DNAJC11: variants seen among roughly 807,000 people sequenced by gnomAD.
DNAJC11 encodes DnaJ heat shock protein family (Hsp40) member C11.
In DNAJC11, 15 loss-of-function variants were observed where a neutral mutation model predicts 78.6. The ratio of observed to expected loss-of-function variants is 0.19; its 90% CI spans 0.13 to 0.29. The LOEUF (loss-of-function observed/expected upper bound fraction) is 0.29. Among genes scored for constraint, DNAJC11 ranks in the 10% least tolerant of loss-of-function variants. DNAJC11 has a pLI of 1.00. For missense variants in DNAJC11, 547 were observed against 709.6 expected (o/e 0.77, Z 2.60); for synonymous variants, 292 against 272.1 (o/e 1.07, Z -0.72).
At chr1:6,675,800 G>C (rs1642453299) in intron 3 of DNAJC11, among the ~76,000 whole-genome samples, 1 of 152,118 alleles carries the variant, frequency 6.6e-6, no homozygotes, top group Non-Finnish European at 1.5e-5. Context: ...TCTGATGAGA[G>C]GAAGCCATAC....
chr1:6,641,831 T>C (rs2148728420), intron 10 of DNAJC11, among the ~76,000 whole-genome samples: 1 of 152,176 alleles, frequency 6.6e-6, no homozygotes, highest in African/African-American at 2.4e-5. Flanking sequence ...GTTCTAGAAG[T>C]GCGGGTGAGA....
rs1033483561 is a variant in DNAJC11 at position 6,680,568 on chromosome 1, A to G, written c.202+340T>C. ...ATGTCCTTGTATCTTCTAACAAAAA[A>G]GAGAACAAAGAAACCTTCCCTGTAA... is the stretch of plus-strand genomic sequence containing the variant. On this transcript the variant is annotated intron_variant, in intron 2 of 15. Coordinates refer to ENST00000377577, the MANE Select transcript of DNAJC11 (RefSeq NM_018198.4). This position sits in a 1 kb window ranked among gnomAD's most constrained non-coding sequence, Gnocchi z 4.0. Among the ~76,000 whole-genome samples the G allele has an allele frequency of 6.6e-6, 1 of 152,230 alleles. No individual in the cohort carries two copies. The highest frequency in any genetic ancestry group is 2.4e-5 in the African/African-American group (1 of 41,466).
chr1:6,686,051 C>G (rs1162443294), intron 1 of DNAJC11, among the ~76,000 whole-genome samples: 3 of 152,148 alleles, frequency 2.0e-5, no homozygotes, highest in African/African-American at 7.2e-5. Flanking sequence ...AATCCTTAAA[C>G]GTTTTCCTTG....
chr1:6,652,948 G>T lies in DNAJC11; in HGVS notation c.511C>A (p.Pro171Thr), dbSNP rs1642077673. 2.5e-6 allele frequency: 4 copies of T among 1,613,932 alleles called. No homozygotes were observed. The highest frequency in any genetic ancestry group is 3.4e-6 in the Non-Finnish European group (4 of 1,180,010). Reference sequence around the variant, plus strand: ...ATGGCTGTGTCTGTCGCTGTCAAGGGTGCCTAAAAATGGTATTTGCTGGTA... The same window carrying T: ...ATGGCTGTGTCTGTCGCTGTCAAGGTTGCCTAAAAATGGTATTTGCTGGTA... ...KMHISQSIEA[P>T]LTATDTAILS... The change falls in exon 6 of 16, where the codon CCC (proline) becomes ACC (threonine). Residue 171 changes from proline to threonine, a missense_variant. Physicochemically the swap from Pro to Thr is conservative, Grantham distance 38 (BLOSUM62 -1). Transcript: ENST00000377577.
rs554502078 is a variant in DNAJC11, at chr1:6,680,957, G to C, written c.153C>G (p.Leu51=). ...YHPDKHRDPE[L]KSQAERLFNL... is the part of the protein sequence containing the mutation. ...TAAACAGTCGTTCCGCCTGTGACTT[G>C]AGCTCTGGGTCTCTGTGCTTGTCTG... The change falls in exon 2 of 16, where the codon CTC becomes CTG. Residue 51 remains leucine, a synonymous_variant. Coordinates refer to ENST00000377577, the MANE Select transcript of DNAJC11 (RefSeq NM_018198.4). The surrounding 1 kb of genome is among the most constrained non-coding windows in gnomAD (Gnocchi z 4.0). 8.7e-6 allele frequency: 14 copies of C among 1,614,146 alleles called. No individual in the cohort carries two copies. Among genetic ancestry groups the C allele is most frequent in the South Asian group, 2.2e-5 (2 of 91,080 alleles).
In DNAJC11 at chr1:6,678,409, T is replaced by G. The variant is rs1405672157; in HGVS notation, c.261A>C (p.Glu87Asp). Residue 87 changes from glutamate to aspartate, a missense_variant, in exon 3 of 16, where the codon GAA becomes GAC. By Grantham distance (45) the Glu-to-Asp change is conservative. Coordinates refer to ENST00000377577, the MANE Select transcript of DNAJC11 (RefSeq NM_018198.4). ...TTTCTCTTACCTCCCATCCTTCCATTTCCAGTCCTCTCTTCCCATATATAT... is the reference window on the plus strand; with the variant it reads ...TTTCTCTTACCTCCCATCCTTCCATGTCCAGTCCTCTCTTCCCATATATAT... ...IYDIYGKRGL[E>D]MEGWEVVERR... The G allele has an allele frequency of 6.2e-7, 1 of 1,613,970 alleles. No homozygotes were observed.
intron 1 of DNAJC11, among the ~76,000 whole-genome samples, chr1:6,692,154 T>TA (rs1451701059): frequency 6.6e-6 from 1 of 152,228 alleles, no homozygotes. Context: ...AATGCAAAAT[T>TA]AGAGCATTAA....
At position 6,635,428 on chromosome 1, in the gene DNAJC11, A is replaced by G. The variant is rs1641743591; in HGVS notation, c.*247T>C. On this transcript the variant is annotated 3_prime_UTR_variant, in exon 16 of 16. Transcript: ENST00000377577. ...CCAGAGCCCTTCCCTCCAGGAACTGATCCTTGGGAAAACAGCCATGGGCCA... is the reference window on the plus strand; with the variant it reads ...CCAGAGCCCTTCCCTCCAGGAACTGGTCCTTGGGAAAACAGCCATGGGCCA... 7 of 495,864 alleles carry G rather than the reference A, an allele frequency of 1.4e-5. No homozygotes were observed. The South Asian group carries it at 1.5e-4, about 11-fold the overall frequency. The allele number at this position is 495,864 out of a possible 1,614,324, so 30.7% of individuals were successfully genotyped here. A position where few individuals can be genotyped will look rare whatever the true frequency, so the allele number is the denominator to read the frequency against.
At chr1:6,664,235 T>C (rs1211900813) in intron 4 of DNAJC11, among the ~76,000 whole-genome samples, 1 of 151,290 alleles carries the variant, frequency 6.6e-6, no homozygotes, top group African/African-American at 2.4e-5. Flanking sequence ...GAAGGCCATT[T>C]TCTTTCTTTT....
intron 4 of DNAJC11, among the ~76,000 whole-genome samples, chr1:6,656,954 C>T (rs1156908528): frequency 1.3e-5 from 2 of 152,006 alleles, no homozygotes; most frequent in African/African-American, 4.8e-5. Context: ...ATGCAACTTT[C>T]ATAAAGATGG....
chr1:6,669,256 T>C lies in DNAJC11; in HGVS notation c.277-1446A>G, dbSNP rs541189679. ...CTAGCGCAGTGACTCACACCTGTAATCCCAGCACTTTGGGAGGCCGAGGCG... is the reference window on the plus strand; with the variant it reads ...CTAGCGCAGTGACTCACACCTGTAACCCCAGCACTTTGGGAGGCCGAGGCG... On this transcript the variant is annotated intron_variant, in intron 3 of 15. Transcript: ENST00000377577. 3.3e-5 allele frequency among the ~76,000 whole-genome samples: 5 copies of C among 151,636 alleles called. No homozygotes were observed. The East Asian group carries it at 5.8e-4, about 18-fold the overall frequency.
rs147127195 is a variant in DNAJC11, at chr1:6,635,690, G to A, written c.1665C>T (p.Ile555=). 2.5e-4 allele frequency: 402 copies of A among 1,613,936 alleles called. No homozygotes were observed. In the African/African-American group the frequency reaches 4.4e-3, roughly 18 times the overall value. ...TCTTGGCAGTTTATCCATCTGTATC[G>A]ATCCTGTGGGCTGTAAAGGAAAAGA... The part of the protein sequence containing the change: ...ALRIPKQSHR[I]DTDG Residue 555 remains isoleucine, a synonymous_variant, in exon 16 of 16, where the codon ATC becomes ATT. Coordinates refer to ENST00000377577, the MANE Select transcript of DNAJC11 (RefSeq NM_018198.4).
chr1:6,695,421 C>T (rs958524862), intron 1 of DNAJC11, among the ~76,000 whole-genome samples: 1 of 151,836 alleles, frequency 6.6e-6, no homozygotes, highest in South Asian at 2.1e-4. Flanking sequence ...CACCTAGCAA[C>T]GCACATACCA....
chr1:6,676,232 G>C (rs746409899), intron 3 of DNAJC11, among the ~76,000 whole-genome samples: 6 of 152,224 alleles, frequency 3.9e-5, no homozygotes, highest in Non-Finnish European at 7.4e-5. Context: ...GGACAAATTG[G>C]ACAGCCCAGC....
chr1:6,687,359 T>A (rs1180765296), intron 1 of DNAJC11, among the ~76,000 whole-genome samples: 1 of 148,530 alleles, frequency 6.7e-6, no homozygotes. Flanking sequence ...AGTCCCTTTT[T>A]TTTTTTTTTT....
At chr1:6,673,547 C>T (rs750325188) in intron 3 of DNAJC11, among the ~76,000 whole-genome samples, 6 of 152,160 alleles carry the variant, frequency 3.9e-5, no homozygotes, top group South Asian at 4.1e-4. Context: ...GATTTGGAAA[C>T]GCTACAACAA....
intron 7 of DNAJC11, among the ~76,000 whole-genome samples, chr1:6,649,925 C>T (rs904866511): frequency 6.6e-6 from 1 of 151,824 alleles, no homozygotes; most frequent in African/African-American, 2.4e-5. Flanking sequence ...AGGCTGGTCT[C>T]GAACTCCTGT....
At chr1:6,652,800 A>C in intron 6 of DNAJC11, 29 bp downstream of exon 6, 1 of 1,613,980 alleles carries the variant, frequency 6.2e-7, no homozygotes, top group Admixed American at 1.7e-5. Flanking sequence ...TTGCACAGAC[A>C]ACACAACTCA....
intron 9 of DNAJC11, 98 bp downstream of exon 9, chr1:6,644,943 A>C: frequency 8.7e-7 from 1 of 1,154,380 alleles, no homozygotes; most frequent in Non-Finnish European, 1.3e-6. Context: ...ACACACGTAG[A>C]TATTCACACG....
Sources: allele counts gnomAD v4.1 joint callset (sites outside exome capture counted in the v4.1 genomes callset), GRCh38; gene constraint gnomAD v4.1.1; non-coding constraint Gnocchi (gnomAD v3.1); transcripts MANE v1.5; gene names NCBI Gene and HGNC (gene_info 2026-07-23, HGNC 2026-07-21).